CBFA2T3: variants seen among roughly 807,000 people sequenced by gnomAD.
CBFA2T3 encodes CBFA2/RUNX1 partner transcriptional co-repressor 3, also known as transcriptional corepressor CBFA2T3.
In CBFA2T3, 31 loss-of-function variants were observed where a neutral mutation model predicts 58.6. That is an observed-to-expected ratio of 0.53 (90% CI 0.40 to 0.71). The LOEUF is 0.71. CBFA2T3 is among the 30% of genes least tolerant of loss of function. The pLI, the probability that CBFA2T3 is intolerant of heterozygous loss-of-function variation, is 0.00. For missense variants in CBFA2T3, 1,076 were observed against 963.1 expected (o/e 1.12, Z -1.55); for synonymous variants, 531 against 421.9 (o/e 1.26, Z -3.17).
chr16:88,913,680 G>A (rs1039323623), intron 1 of CBFA2T3, among the ~76,000 whole-genome samples: 1 of 152,166 alleles, frequency 6.6e-6, no homozygotes, highest in African/African-American at 2.4e-5. Flanking sequence ...TCCACCTTCA[G>A]GAATGCATTC....
chr16:88,884,302 C>T (rs1487881196), intron 7 of CBFA2T3: 1 of 152,320 alleles, frequency 6.6e-6, no homozygotes, highest in East Asian at 1.9e-4. Context: ...GGGCCTCTGT[C>T]TCAGCATGGC....
intron 3 of CBFA2T3, among the ~76,000 whole-genome samples, chr16:88,892,836 G>A (rs1355054504): frequency 1.3e-5 from 2 of 152,220 alleles, no homozygotes; most frequent in Non-Finnish European, 2.9e-5. Flanking sequence ...GGTGGCCGTG[G>A]AATGACTGCG....
intron 5 of CBFA2T3, among the ~76,000 whole-genome samples, chr16:88,889,148 A>C (rs951795746): frequency 2.0e-5 from 3 of 151,668 alleles, no homozygotes; most frequent in African/African-American, 7.3e-5. Context: ...CAGCAAGTTA[A>C]AAGAAGGGAA....
chr16:88,898,227 G>T, intron 2 of CBFA2T3, 75 bp from the exon 3 acceptor site: 1 of 1,146,314 alleles, frequency 8.7e-7, no homozygotes, highest in East Asian at 2.3e-5. Context: ...GGCGCCCGCG[G>T]CCACCTTTTC....
rs1055916833 is a variant in CBFA2T3 at position 88,881,583 on chromosome 16, G to A, written c.1204-94C>T. 5 of 1,329,532 alleles carry A rather than the reference G, an allele frequency of 3.8e-6. No individual in the cohort carries two copies. In the South Asian group the frequency reaches 4.0e-5, roughly 11 times the overall value. The allele number at this position is 1,329,532 out of a possible 1,614,324, so 82.4% of individuals were successfully genotyped here. ...ACTCGGCCAGAGCCCCGGACAGGAT[G>A]GGTGCCCGACCAGCCCACCGCCCGT... On this transcript the variant is annotated intron_variant, in intron 8 of 11. Transcript: ENST00000268679.
At chr16:88,900,166 C>T (rs903187497) in intron 2 of CBFA2T3, among the ~76,000 whole-genome samples, 2 of 152,232 alleles carry the variant, frequency 1.3e-5, no homozygotes, top group African/African-American at 2.4e-5. Flanking sequence ...GCCGGCCCCG[C>T]GGGTGCAGGG....
chr16:88,939,585 CACAGA>C (rs567640429), intron 1 of CBFA2T3: 51 of 152,458 alleles, frequency 3.3e-4, no homozygotes, highest in African/African-American at 1.2e-3. Context: ...CTGTCGGCCG[CACAGA>C]ACAGGACCCT....
At chr16:88,903,228 C>T (rs1050009595) in intron 1 of CBFA2T3, among the ~76,000 whole-genome samples, 2 of 152,214 alleles carry the variant, frequency 1.3e-5, no homozygotes, top group Admixed American at 6.5e-5. Flanking sequence ...ACGGCACAAA[C>T]CTCTGCTGAT....
At position 88,923,732 on chromosome 16, in the gene CBFA2T3, A is replaced by G. The variant is rs143532374; in HGVS notation, c.152-22076T>C. Reference sequence around the variant, plus strand: ...GCTGTCAGGGTGGGAAGGCTCCGACATGGAGGTCGGCTTTGGAACTCGGGC... The same window carrying G: ...GCTGTCAGGGTGGGAAGGCTCCGACGTGGAGGTCGGCTTTGGAACTCGGGC... On this transcript the variant is annotated intron_variant, in intron 1 of 11. Transcript: ENST00000268679. 1.2e-4 allele frequency among the ~76,000 whole-genome samples: 19 copies of G among 152,252 alleles called. No homozygotes were observed. The East Asian group carries it at 3.7e-3, about 29-fold the overall frequency.
chr16:88,911,171 G>A (rs1002851401), intron 1 of CBFA2T3, among the ~76,000 whole-genome samples: 1 of 152,172 alleles, frequency 6.6e-6, no homozygotes, highest in Non-Finnish European at 1.5e-5. Context: ...CCTTCCTCTG[G>A]CCCCACTCAC....
intron 1 of CBFA2T3, among the ~76,000 whole-genome samples, chr16:88,969,357 C>T (rs1237167389): frequency 6.6e-6 from 1 of 152,218 alleles, no homozygotes; most frequent in Non-Finnish European, 1.5e-5. Flanking sequence ...CTACTGGGCT[C>T]CCTCCCGGCT....
chr16:88,931,787 G>A (rs1157585104), intron 1 of CBFA2T3, among the ~76,000 whole-genome samples: 1 of 152,148 alleles, frequency 6.6e-6, no homozygotes, highest in Non-Finnish European at 1.5e-5. Flanking sequence ...TTGGATGCAG[G>A]TGCTGTGGTC....
chr16:88,920,648 G>A (rs1970882159), intron 1 of CBFA2T3, among the ~76,000 whole-genome samples: 1 of 152,208 alleles, frequency 6.6e-6, no homozygotes, highest in Admixed American at 6.5e-5. Context: ...GTGACGGAGT[G>A]GCAGGAGGCC....
Position 88,953,888 on chromosome 16 carries a change from G to A in CBFA2T3, c.151+22769C>T, listed in dbSNP as rs2142846622. ...TGGGCCTTGTCACCTGCATTGGGCTGGTGAGGACAGGGACAGAGATGCCCA... is the reference window on the plus strand; with the variant it reads ...TGGGCCTTGTCACCTGCATTGGGCTAGTGAGGACAGGGACAGAGATGCCCA... On this transcript the variant is annotated intron_variant, in intron 1 of 11. Transcript: ENST00000268679. This position sits in a 1 kb window ranked among gnomAD's most constrained non-coding sequence, Gnocchi z 4.9. Among the ~76,000 whole-genome samples the A allele has an allele frequency of 6.6e-6, 1 of 152,210 alleles. No individual in the cohort carries two copies. Among genetic ancestry groups the A allele is most frequent in the East Asian group, 1.9e-4 (1 of 5,158 alleles).
chr16:88,970,467 T>A (rs565571237), intron 1 of CBFA2T3, among the ~76,000 whole-genome samples: 2 of 152,290 alleles, frequency 1.3e-5, no homozygotes, highest in Non-Finnish European at 2.9e-5. Context: ...TGGGAGGACG[T>A]GGCCCACCCC....
At chr16:88,971,408 C>T (rs953727792) in intron 1 of CBFA2T3, among the ~76,000 whole-genome samples, 8 of 152,202 alleles carry the variant, frequency 5.3e-5, no homozygotes, top group Admixed American at 1.3e-4. Flanking sequence ...CGGCACCTGG[C>T]CTTGATTTTT....
At chr16:88,968,654 C>T (rs577130813) in intron 1 of CBFA2T3, among the ~76,000 whole-genome samples, 1 of 152,350 alleles carries the variant, frequency 6.6e-6, no homozygotes, top group East Asian at 1.9e-4. Context: ...CGTCCCCCGC[C>T]TGTCAGTCCG....
intron 1 of CBFA2T3, among the ~76,000 whole-genome samples, chr16:88,926,334 C>T (rs1164639970): frequency 6.6e-6 from 1 of 152,190 alleles, no homozygotes; most frequent in Non-Finnish European, 1.5e-5. Flanking sequence ...CAAACCTCCT[C>T]AATCCACCAC....
At chr16:88,922,067 G>A (rs543910152) in intron 1 of CBFA2T3, among the ~76,000 whole-genome samples, 4 of 152,362 alleles carry the variant, frequency 2.6e-5, no homozygotes, top group East Asian at 1.9e-4. Flanking sequence ...GGCTGGTGTC[G>A]ATGCCACCAA....
Sources: gnomAD v4.1 joint callset for allele counts (sites outside exome capture counted in the v4.1 genomes callset) on GRCh38, gnomAD v4.1.1 for gene constraint, Gnocchi (gnomAD v3.1) non-coding constraint, MANE v1.5 for transcripts, NCBI Gene and HGNC (gene_info 2026-07-23, HGNC 2026-07-21) for gene names.